ZNF431: variants seen among roughly 807,000 people sequenced by gnomAD.
ZNF431 encodes zinc finger protein 431.
Under a neutral mutation model 57.0 loss-of-function variants are expected in ZNF431, and 34 were observed. The ratio of observed to expected loss-of-function variants is 0.60; its 90% confidence interval spans 0.45 to 0.79. ZNF431 has a LOEUF of 0.79. ZNF431 is among the 30% of genes least tolerant of loss of function. ZNF431 has a pLI of 0.00. For synonymous variants in ZNF431, 207 were observed against 220.3 expected (o/e 0.94, Z 0.54); for missense variants, 607 against 667.1 (o/e 0.91, Z 0.99).
At chr19:21,152,929 A>G (rs1970316285) in intron 2 of ZNF431, among the ~76,000 whole-genome samples, 1 of 152,224 alleles carries the variant, frequency 6.6e-6, no homozygotes, top group Admixed American at 6.5e-5. Flanking sequence ...ATTGAGGGCG[A>G]GTCCGTAAAG....
chr19:21,147,278 G>C (rs1970127349), intron 2 of ZNF431, among the ~76,000 whole-genome samples: 1 of 152,092 alleles, frequency 6.6e-6, no homozygotes, highest in Non-Finnish European at 1.5e-5. Context: ...TCTGACGTCA[G>C]GAGTTCAAGA....
Position 21,183,383 on chromosome 19 carries a change from T to C in ZNF431, c.1080T>C (p.Thr360=). ...DKAFNRFSYL[T]KHKIIHTGEK... is the part of the protein sequence containing the mutation. ...CTTTTAATCGATTCTCATACCTTAC[T>C]AAACATAAGATAATTCATACTGGAG... The change falls in exon 5 of 5, where the codon ACT becomes ACC. Residue 360 remains threonine, a synonymous_variant. Transcript: ENST00000311048. The C allele has an allele frequency of 1.2e-6, 2 of 1,613,680 alleles. No individual in the cohort carries two copies. The highest frequency in any genetic ancestry group is 1.7e-6 in the Non-Finnish European group (2 of 1,179,772).
At chr19:21,156,862 C>T (rs1970430503) in intron 2 of ZNF431, among the ~76,000 whole-genome samples, 1 of 152,248 alleles carries the variant, frequency 6.6e-6, no homozygotes, top group East Asian at 1.9e-4. Flanking sequence ...TCAGCCTCAA[C>T]CTTCCAGGCT....
At chr19:21,143,408 G>A in intron 1 of ZNF431, 143 bp from the exon 2 acceptor site, 1 of 636,804 alleles carries the variant, frequency 1.6e-6, no homozygotes. Flanking sequence ...AAACTTTATG[G>A]GGTGATGTGT....
Position 21,148,343 on chromosome 19 carries a change from A to G in ZNF431, c.96+4700A>G, listed in dbSNP as rs73539741. 6.8e-3 allele frequency among the ~76,000 whole-genome samples: 1,040 copies of G among 152,326 alleles called. 17 individuals are homozygous for G. The highest frequency in any genetic ancestry group is 0.024 in the African/African-American group (1,006 of 41,586). On this transcript the variant is annotated intron_variant, in intron 2 of 4. Transcript: ENST00000311048. ...ATCTATCCAATTTTAATGTTTGACC[A>G]TAAGGTAGTATTCTCATAAACCTTT... is the stretch of plus-strand genomic sequence containing the variant.
chr19:21,143,359 A>C (rs1969993504), intron 1 of ZNF431, among the ~76,000 whole-genome samples, 192 bp from the exon 2 acceptor site: 1 of 152,124 alleles, frequency 6.6e-6, no homozygotes, highest in Non-Finnish European at 1.5e-5. Context: ...AGGCACAGAG[A>C]TCTTGTCAGA....
rs1467122552 is a variant in ZNF431, at chr19:21,185,265, A to G, written c.*1231A>G. On this transcript the variant is annotated 3_prime_UTR_variant, in exon 5 of 5. Transcript: ENST00000311048. Reference sequence around the variant, plus strand: ...TGTATAGAACTTTAAGAGGATCAGAAGGTTTTTTGCAGAGTTATAATTACA... The same window carrying G: ...TGTATAGAACTTTAAGAGGATCAGAGGGTTTTTTGCAGAGTTATAATTACA... The G allele has an allele frequency of 6.6e-6, 1 of 152,224 alleles. No homozygotes were observed. The highest frequency in any genetic ancestry group is 1.5e-5 in the Non-Finnish European group (1 of 68,036). 9.4% of individuals were successfully genotyped at this position (152,224 alleles called of 1,614,324 possible). A position where few individuals can be genotyped will look rare whatever the true frequency, so the allele number is the denominator to read the frequency against.
At position 21,146,081 on chromosome 19, in the gene ZNF431, C is replaced by G. The variant is rs575570124; in HGVS notation, c.96+2438C>G. 3.8e-4 allele frequency among the ~76,000 whole-genome samples: 58 copies of G among 152,102 alleles called. 1 individual carries two copies. Among genetic ancestry groups the G allele is most frequent in the South Asian group, 1.5e-3 (7 of 4,818 alleles). On this transcript the variant is annotated intron_variant, in intron 2 of 4. Coordinates refer to ENST00000311048, the MANE Select transcript of ZNF431 (RefSeq NM_133473.4). ...AAATAAGAAAATGTGCAGAGTTCTACCAGAAAGAGGTCCCAATCCAAGCCC... is the reference window on the plus strand; with the variant it reads ...AAATAAGAAAATGTGCAGAGTTCTAGCAGAAAGAGGTCCCAATCCAAGCCC...
rs1265532503 is a variant in ZNF431 at position 21,194,287 on chromosome 19, A to C, written c.*10253A>C. 1 of 152,220 alleles carries C rather than the reference A, an allele frequency of 6.6e-6. No individual in the cohort carries two copies. The highest frequency in any genetic ancestry group is 6.5e-5 in the Admixed American group (1 of 15,282). The allele number at this position is 152,220 out of a possible 1,614,324, so 9.4% of individuals were successfully genotyped here. A position where few individuals can be genotyped will look rare whatever the true frequency, so the allele number is the denominator to read the frequency against. On this transcript the variant is annotated 3_prime_UTR_variant, in exon 5 of 5. Transcript: ENST00000311048. The stretch of plus-strand genomic sequence containing the variant: ...ATAAACAAAAAATAATATACTTAGA[A>C]ATACATCAAACCAGGGAGGTAAAAT...
intron 4 of ZNF431, 109 bp downstream of exon 4, chr19:21,167,775 A>T: frequency 1.5e-6 from 1 of 674,260 alleles, no homozygotes; most frequent in Non-Finnish European, 2.2e-6. Flanking sequence ...GTTATAAAGC[A>T]TGTAGTTTCT....
Position 21,183,388 on chromosome 19 carries a change from A to G in ZNF431, c.1085A>G (p.His362Arg). The change falls in exon 5 of 5, where the codon CAT becomes CGT. Residue 362 changes from histidine to arginine, a missense_variant. Physicochemically the swap from His to Arg is conservative, Grantham distance 29 (BLOSUM62 0). Transcript: ENST00000311048. ...AFNRFSYLTKHKIIHTGEKSY... is the reference protein window; with the variant it reads ...AFNRFSYLTKRKIIHTGEKSY... ...AATCGATTCTCATACCTTACTAAACATAAGATAATTCATACTGGAGAAAAA... is the reference window on the plus strand; with the variant it reads ...AATCGATTCTCATACCTTACTAAACGTAAGATAATTCATACTGGAGAAAAA... 1.2e-6 allele frequency: 2 copies of G among 1,613,702 alleles called. No individual in the cohort carries two copies. Among genetic ancestry groups the G allele is most frequent in the Non-Finnish European group, 8.5e-7 (1 of 1,179,766 alleles).
intron 2 of ZNF431, among the ~76,000 whole-genome samples, chr19:21,151,544 G>A (rs1479307698): frequency 6.6e-6 from 1 of 152,136 alleles, no homozygotes; most frequent in African/African-American, 2.4e-5. Flanking sequence ...TATCAAATAA[G>A]AAAGTACTCA....
rs1180117816 is a variant in ZNF431 at position 21,186,452 on chromosome 19, G to C, written c.*2418G>C. On this transcript the variant is annotated 3_prime_UTR_variant, in exon 5 of 5. Coordinates refer to ENST00000311048, the MANE Select transcript of ZNF431 (RefSeq NM_133473.4). ...AAATTATGGAGTTAAGTATGTGTGT[G>C]TGAGTATGAGTTTGTACATATTTTC... 6.6e-6 allele frequency: 1 copy of C among 152,292 alleles called. No homozygotes were observed. The highest frequency in any genetic ancestry group is 3.4e-3 in the Middle Eastern group (1 of 294). 9.4% of individuals were successfully genotyped at this position (152,292 alleles called of 1,614,324 possible). A position where few individuals can be genotyped will look rare whatever the true frequency, so the allele number is the denominator to read the frequency against.
At chr19:21,171,512 T>C (rs990210315) in intron 4 of ZNF431, among the ~76,000 whole-genome samples, 3 of 151,994 alleles carry the variant, frequency 2.0e-5, no homozygotes, top group Non-Finnish European at 4.4e-5. Context: ...AAGTCAGCCA[T>C]ACGTCTATCA....
intron 4 of ZNF431, among the ~76,000 whole-genome samples, chr19:21,176,904 C>T (rs1276682898): frequency 1.3e-5 from 2 of 152,054 alleles, no homozygotes; most frequent in Admixed American, 6.6e-5. Context: ...ACCATCTTAG[C>T]CAGGCTGGTC....
intron 2 of ZNF431, among the ~76,000 whole-genome samples, chr19:21,164,713 T>C (rs2144987823): frequency 6.6e-6 from 1 of 152,024 alleles, no homozygotes; most frequent in East Asian, 1.9e-4. Context: ...TGGAGTGCCA[T>C]GTGTTTAGTA....
intron 4 of ZNF431, among the ~76,000 whole-genome samples, chr19:21,171,739 T>TA (rs1164254630): frequency 1.1e-5 from 1 of 90,520 alleles, no homozygotes; most frequent in Non-Finnish European, 2.3e-5. Context: ...TTTTTTTTTT[T>TA]AGACAGAGTC....
chr19:21,146,676 T>A (rs1283154886), intron 2 of ZNF431, among the ~76,000 whole-genome samples: 1 of 152,122 alleles, frequency 6.6e-6, no homozygotes, highest in Non-Finnish European at 1.5e-5. Context: ...CACATCTTGG[T>A]TTTGGTAGGT....
At position 21,185,323 on chromosome 19, in the gene ZNF431, A is replaced by G. The variant is rs1244503779; in HGVS notation, c.*1289A>G. 1 of 152,210 alleles carries G rather than the reference A, an allele frequency of 6.6e-6. No homozygotes were observed. Among genetic ancestry groups the G allele is most frequent in the East Asian group, 1.9e-4 (1 of 5,198 alleles). The allele number at this position is 152,210 out of a possible 1,614,324, so 9.4% of individuals were successfully genotyped here. On this transcript the variant is annotated 3_prime_UTR_variant, in exon 5 of 5. Coordinates refer to ENST00000311048, the MANE Select transcript of ZNF431 (RefSeq NM_133473.4). ...TATACTTTATTTCTTGAAAAATATT[A>G]CAGATTTTTTGAAAATTGAATAATG...
Sources: allele counts gnomAD v4.1 joint callset (sites outside exome capture counted in the v4.1 genomes callset), GRCh38; gene constraint gnomAD v4.1.1; transcripts MANE v1.5; gene names NCBI Gene and HGNC (gene_info 2026-07-23, HGNC 2026-07-21).